CEP128: variants seen among roughly 807,000 people sequenced by gnomAD.
The protein encoded by CEP128 is centrosomal protein 128kDa.
Under a neutral mutation model 156.7 loss-of-function variants are expected in CEP128, and 132 were observed. The ratio of observed to expected loss-of-function variants is 0.84; its 90% CI spans 0.73 to 0.97. The LOEUF is 0.97. CEP128 is among the 50% of genes least tolerant of loss of function. The pLI is 0.00. For missense variants in CEP128, 1,252 were observed against 1,281.9 expected (o/e 0.98, Z 0.36); for synonymous variants, 469 against 448.9 (o/e 1.04, Z -0.57).
At chr14:80,764,884 A>G (rs1006869738) in intron 16 of CEP128, among the ~76,000 whole-genome samples, 1 of 152,122 alleles carries the variant, frequency 6.6e-6, no homozygotes, top group Admixed American at 6.5e-5. Context: ...TTTTTATTTG[A>G]TTAGGTTTCA....
chr14:80,853,103 T>G (rs1356804353), intron 9 of CEP128, among the ~76,000 whole-genome samples: 2 of 151,746 alleles, frequency 1.3e-5, no homozygotes, highest in East Asian at 3.9e-4. Flanking sequence ...AATAAATAAA[T>G]AAATAACAGC....
intron 23 of CEP128, among the ~76,000 whole-genome samples, chr14:80,507,545 GAATCATGGTTTTGATATA>G (rs1337946343): frequency 6.6e-6 from 1 of 152,178 alleles, no homozygotes; most frequent in Non-Finnish European, 1.5e-5. Context: ...AATCTCCACT[GAATCATGGTTTTGATATA>G]AATCATGGTT....
In CEP128 at chr14:80,530,860, C is replaced by T. The variant is rs1268882699; in HGVS notation, c.2907G>A (p.Leu969=). Residue 969 remains leucine (L), a synonymous_variant, in exon 22 of 25, where the codon CTG becomes CTA. Transcript: ENST00000555265. ...GGCTCAGTTTCTCAGGCACAGACTC[C>T]AGATGGTCCAAGGCCACTTGGGTAC... ...ETSTQVALDH[L]ESVPEKLSLL... is the part of the protein sequence containing the mutation. The T allele has an allele frequency of 1.9e-6, 3 of 1,609,346 alleles. No homozygotes were observed. Among genetic ancestry groups the T allele is most frequent in the Non-Finnish European group, 2.5e-6 (3 of 1,177,446 alleles).
intron 19 of CEP128, among the ~76,000 whole-genome samples, chr14:80,622,585 C>A (rs1595104208): frequency 6.7e-6 from 1 of 150,204 alleles, no homozygotes; most frequent in South Asian, 2.1e-4. Flanking sequence ...TATCCAGAAT[C>A]TACAATGAAC....
In CEP128 at chr14:80,935,665, A is replaced by AAC. The variant is rs1566725724; in HGVS notation, c.-16+3719_-16+3720insGT. On this transcript the variant is annotated intron_variant, in intron 2 of 24. Coordinates refer to ENST00000555265, the MANE Select transcript of CEP128 (RefSeq NM_152446.5). ...CCCCACCAAAAAAAAAAAAAAAAAAAAAACAGAACACACATGAGCTAGCTT... is the reference window on the plus strand; with the variant it reads ...CCCCACCAAAAAAAAAAAAAAAAAAAACAAACAGAACACACATGAGCTAGCTT... Among the ~76,000 whole-genome samples, 8 of 147,168 alleles carry AAC rather than the reference A, an allele frequency of 5.4e-5. 1 individual carries two copies. The highest frequency in any genetic ancestry group is 4.7e-4 in the Admixed American group (7 of 14,848).
chr14:80,912,426 G>A (rs928501154), intron 4 of CEP128, among the ~76,000 whole-genome samples: 1 of 151,910 alleles, frequency 6.6e-6, no homozygotes, highest in African/African-American at 2.4e-5. Flanking sequence ...CCCTAAGTAG[G>A]GATCTAATAT....
intron 15 of CEP128, among the ~76,000 whole-genome samples, chr14:80,779,346 CT>C (rs1372259212): frequency 6.6e-6 from 1 of 152,030 alleles, no homozygotes; most frequent in Non-Finnish European, 1.5e-5. Context: ...CAAAATTTAC[CT>C]GAGAGCTGAT....
chr14:80,555,639 C>T (rs1474735031), intron 21 of CEP128, among the ~76,000 whole-genome samples: 5 of 152,002 alleles, frequency 3.3e-5, no homozygotes, highest in Non-Finnish European at 5.9e-5. Flanking sequence ...TTAACAAACC[C>T]TTTTGTTCAT....
At chr14:80,804,773 T>C (rs1303067871) in intron 13 of CEP128, among the ~76,000 whole-genome samples, 1 of 152,210 alleles carries the variant, frequency 6.6e-6, no homozygotes, top group East Asian at 1.9e-4. Context: ...AGAGATGCTT[T>C]AGTTTTAACT....
chr14:80,512,595 A>G, intron 23 of CEP128, among the ~76,000 whole-genome samples: 1 of 151,890 alleles, frequency 6.6e-6, no homozygotes, highest in Non-Finnish European at 1.5e-5. Flanking sequence ...CACTGTTATT[A>G]TTGATAAGCA....
At chr14:80,708,805 T>C (rs1438207152) in intron 19 of CEP128, among the ~76,000 whole-genome samples, 2 of 152,140 alleles carry the variant, frequency 1.3e-5, no homozygotes, top group Non-Finnish European at 2.9e-5. Context: ...TTCTGGCCCA[T>C]TTAAAATTAT....
At chr14:80,699,031 A>G (rs1369046639) in intron 19 of CEP128, among the ~76,000 whole-genome samples, 1 of 152,180 alleles carries the variant, frequency 6.6e-6, no homozygotes. Context: ...TGGGAAGAGA[A>G]TGAGAGGGAG....
Position 80,895,810 on chromosome 14 carries a change from A to AAAAAG in CEP128, c.573-21_573-20insCTTTT. 1 of 1,484,394 alleles carries AAAAAG rather than the reference A, an allele frequency of 6.7e-7. No individual in the cohort carries two copies. The highest frequency in any genetic ancestry group is 8.9e-7 in the Non-Finnish European group (1 of 1,117,324). 92.0% of individuals were successfully genotyped at this position (1,484,394 alleles called of 1,614,324 possible). A position where few individuals can be genotyped will look rare whatever the true frequency, so the allele number is the denominator to read the frequency against. On this transcript the variant is annotated intron_variant, in intron 7 of 24. Transcript: ENST00000555265. ...TCTGACCTAGGAAGAAAAAAAAAAA[A>AAAAAG]AAGATTTAAATTTGGATATTTAGAA...
At chr14:80,808,992 C>T (rs1318011501) in intron 13 of CEP128, among the ~76,000 whole-genome samples, 1 of 152,028 alleles carries the variant, frequency 6.6e-6, no homozygotes, top group Non-Finnish European at 1.5e-5. Flanking sequence ...CAAAGGAAAA[C>T]AGTAATTCCC....
At chr14:80,756,111 T>C (rs539522240) in intron 18 of CEP128, among the ~76,000 whole-genome samples, 2 of 152,218 alleles carry the variant, frequency 1.3e-5, no homozygotes, top group South Asian at 2.1e-4. Flanking sequence ...AAAAGAAAAA[T>C]GAGAAACGCA....
intron 19 of CEP128, among the ~76,000 whole-genome samples, chr14:80,606,952 C>A (rs189529267): frequency 6.7e-6 from 1 of 149,742 alleles, no homozygotes; most frequent in Non-Finnish European, 1.5e-5. Context: ...AAACTCTTAC[C>A]TTGTTTTGAT....
At chr14:80,532,782 G>C (rs1889288450) in intron 21 of CEP128, among the ~76,000 whole-genome samples, 1 of 152,134 alleles carries the variant, frequency 6.6e-6, no homozygotes, top group Non-Finnish European at 1.5e-5. Context: ...TGGAGTTACA[G>C]ATGTCTTCTA....
chr14:80,523,050 T>C (rs866149664), intron 23 of CEP128, among the ~76,000 whole-genome samples: 2 of 152,328 alleles, frequency 1.3e-5, no homozygotes, highest in African/African-American at 4.8e-5. Flanking sequence ...ACAGAGGAGA[T>C]GGCTCTAGCC....
At chr14:80,693,263 A>C (rs1348166515) in intron 19 of CEP128, among the ~76,000 whole-genome samples, 1 of 152,140 alleles carries the variant, frequency 6.6e-6, no homozygotes, top group Admixed American at 6.5e-5. Context: ...AAAAGGTATG[A>C]TTTCCTTTCT....
Sources: allele counts gnomAD v4.1 joint callset (sites outside exome capture counted in the v4.1 genomes callset), GRCh38; gene constraint gnomAD v4.1.1; transcripts MANE v1.5; gene names NCBI Gene and HGNC (gene_info 2026-07-23, HGNC 2026-07-21).